The following DLGAP2 variants were observed in gnomAD, a reference collection of about 807,000 sequenced individuals.
DLGAP2 encodes the protein DLG associated protein 2, also known as disks large-associated protein 2.
DLGAP2 carries 26 observed loss-of-function variants against 100.3 expected under a neutral mutation model. The ratio of observed to expected loss-of-function variants is 0.26; its 90% CI spans 0.19 to 0.36. DLGAP2 has a LOEUF of 0.36. Among genes scored for constraint, DLGAP2 ranks in the 10% least tolerant of loss-of-function variants. The pLI is 1.00. For synonymous variants in DLGAP2, 886 were observed against 630.1 expected (o/e 1.41, Z -6.08); for missense variants, 1,858 against 1,453.2 (o/e 1.28, Z -4.53).
intron 1 of DLGAP2, among the ~76,000 whole-genome samples, chr8:858,760 CAT>C (rs1797333533): frequency 6.6e-6 from 1 of 150,806 alleles, no homozygotes; most frequent in Admixed American, 6.8e-5. Context: ...ACCGTGGGCA[CAT>C]GTGTGATGCT....
intron 1 of DLGAP2, among the ~76,000 whole-genome samples, chr8:812,234 G>C (rs192537474): frequency 6.4e-4 from 98 of 152,282 alleles, no homozygotes; most frequent in African/African-American, 2.3e-3. Context: ...GCGAGGGTTC[G>C]AAGGCCGTCT....
chr8:1,162,304 C>T (rs1297691151), intron 2 of DLGAP2, among the ~76,000 whole-genome samples: 1 of 152,224 alleles, frequency 6.6e-6, no homozygotes, highest in Non-Finnish European at 1.5e-5. Context: ...GTGAGTCTGA[C>T]TCCATTACAT....
intron 3 of DLGAP2, among the ~76,000 whole-genome samples, chr8:1,330,004 G>A (rs911387040): frequency 3.9e-5 from 6 of 152,216 alleles, no homozygotes; most frequent in South Asian, 2.1e-4. Flanking sequence ...AGTGAGCTGC[G>A]GACCCCAGGG....
chr8:897,937 G>A (rs776711136), intron 1 of DLGAP2, among the ~76,000 whole-genome samples: 11 of 152,074 alleles, frequency 7.2e-5, no homozygotes, highest in South Asian at 2.1e-4. Context: ...TGTTCCCTCC[G>A]TTGCTGTCTC....
At chr8:1,236,272 C>G (rs1798652638) in intron 2 of DLGAP2, among the ~76,000 whole-genome samples, 3 of 51,628 alleles carry the variant, frequency 5.8e-5, no homozygotes, top group African/African-American at 8.7e-5. Flanking sequence ...GGTGCCGTTT[C>G]TAGTTCTCTC....
chr8:1,269,415 C>A (rs13268535), intron 3 of DLGAP2, among the ~76,000 whole-genome samples: 1 of 152,250 alleles, frequency 6.6e-6, no homozygotes, highest in African/African-American at 2.4e-5. Context: ...GAGCCTAGGT[C>A]AGAGCCATCC....
intron 1 of DLGAP2, among the ~76,000 whole-genome samples, chr8:780,423 T>C (rs962179501): frequency 2.0e-5 from 3 of 152,240 alleles, no homozygotes; most frequent in Non-Finnish European, 2.9e-5. Flanking sequence ...ATCTTGTCCA[T>C]TGTGAGTAGT....
At chr8:1,001,931 G>C (rs969610258) in intron 2 of DLGAP2, among the ~76,000 whole-genome samples, 4 of 152,190 alleles carry the variant, frequency 2.6e-5, no homozygotes, top group African/African-American at 9.7e-5. Context: ...AAGCGTGTTT[G>C]AGCTTAAAAA....
intron 10 of DLGAP2, among the ~76,000 whole-genome samples, chr8:1,675,926 CTTT>C (rs966469648): frequency 6.6e-6 from 1 of 151,768 alleles, no homozygotes; most frequent in African/African-American, 2.4e-5. Context: ...TTTGTGGGGA[CTTT>C]TTGGCAAATA....
rs866495815 is a variant in DLGAP2 at position 990,386 on chromosome 8, G to A, written c.73+82420G>A. On this transcript the variant is annotated intron_variant, in intron 2 of 14. Transcript: ENST00000637795. ...CCGGACCCCCTGCACCCCCATACTC[G>A]GAGTTCCTGTTCTTCTCTCCCCCCT... is the stretch of plus-strand genomic sequence containing the variant. 4.0e-4 allele frequency among the ~76,000 whole-genome samples: 32 copies of A among 79,762 alleles called. 1 individual carries two copies. Among genetic ancestry groups the A allele is most frequent in the South Asian group, 1.0e-3 (2 of 1,962 alleles). 52.3% of individuals were successfully genotyped at this position (79,762 alleles called of 152,430 possible).
chr8:1,103,017 C>T (rs542318053), intron 2 of DLGAP2, among the ~76,000 whole-genome samples: 1 of 151,206 alleles, frequency 6.6e-6, no homozygotes, highest in African/African-American at 2.4e-5. Context: ...CTATGAGTCT[C>T]TGGAGTCTCT....
At chr8:1,569,600 G>A (rs1259394243) in intron 6 of DLGAP2, among the ~76,000 whole-genome samples, 2 of 152,174 alleles carry the variant, frequency 1.3e-5, no homozygotes, top group African/African-American at 2.4e-5. Flanking sequence ...GGATTCCAAC[G>A]TAATTCATTT....
intron 6 of DLGAP2, among the ~76,000 whole-genome samples, chr8:1,588,084 G>A (rs563016057): frequency 2.0e-5 from 3 of 152,296 alleles, no homozygotes; most frequent in African/African-American, 4.8e-5. Context: ...ACATTCGCAC[G>A]ATGAAGAGTG....
At chr8:1,593,350 G>A (rs1796347846) in intron 6 of DLGAP2, among the ~76,000 whole-genome samples, 2 of 152,152 alleles carry the variant, frequency 1.3e-5, no homozygotes, top group African/African-American at 4.8e-5. Context: ...AGCTACTCAG[G>A]AGGCTGAGGC....
intron 1 of DLGAP2, chr8:893,063 G>C (rs930495831): frequency 2.0e-5 from 3 of 152,194 alleles, no homozygotes; most frequent in Non-Finnish European, 4.4e-5. Flanking sequence ...GGGCTAAAGA[G>C]GCTGCCTTTG....
intron 3 of DLGAP2, among the ~76,000 whole-genome samples, chr8:1,357,456 A>G (rs1293515832): frequency 1.3e-5 from 2 of 149,630 alleles, no homozygotes; most frequent in Non-Finnish European, 3.0e-5. Flanking sequence ...AATTATCAGG[A>G]GTCGTCTAAT....
At chr8:1,235,577 A>G (rs76283171) in intron 2 of DLGAP2, among the ~76,000 whole-genome samples, 1,864 of 11,066 alleles carry the variant, frequency 0.17, 124 homozygotes, top group African/African-American at 0.37. Context: ...CTCACATGGC[A>G]CCATGTCTAG....
At chr8:1,242,148 C>T (rs367750250) in intron 2 of DLGAP2, among the ~76,000 whole-genome samples, 9 of 152,306 alleles carry the variant, frequency 5.9e-5, no homozygotes, top group African/African-American at 1.9e-4. Context: ...ATATAAACAA[C>T]AGAACATTAA....
At chr8:1,059,436 A>G (rs1802985501) in intron 2 of DLGAP2, among the ~76,000 whole-genome samples, 1 of 152,098 alleles carries the variant, frequency 6.6e-6, no homozygotes, top group South Asian at 2.1e-4. Context: ...TCTGTGCCTC[A>G]GTTTCTCCCT....
Sources: allele counts gnomAD v4.1 joint callset (sites outside exome capture counted in the v4.1 genomes callset), GRCh38; gene constraint gnomAD v4.1.1; transcripts MANE v1.5; gene names NCBI Gene and HGNC (gene_info 2026-07-23, HGNC 2026-07-21).